PCDH9: variants seen among roughly 807,000 people sequenced by gnomAD.
PCDH9 encodes the protein protocadherin 9.
A neutral mutation model predicts 70.6 loss-of-function variants in PCDH9; 24 were observed. That is an observed-to-expected ratio of 0.34 (90% confidence interval 0.25 to 0.48). The LOEUF is 0.48. Among genes scored for constraint, PCDH9 ranks in the 20% least tolerant of loss-of-function variants. PCDH9 has a pLI of 0.99. For missense variants in PCDH9, 1,281 were observed against 1,503.6 expected (o/e 0.85, Z 2.45); for synonymous variants, 562 against 558.5 (o/e 1.01, Z -0.09).
intron 4 of PCDH9, among the ~76,000 whole-genome samples, chr13:66,627,269 G>T (rs1274578563): frequency 6.6e-6 from 1 of 152,052 alleles, no homozygotes; most frequent in Non-Finnish European, 1.5e-5. Flanking sequence ...AACTATCAAA[G>T]CCCGGTCAAC....
At chr13:67,170,803 T>C (rs975673663) in intron 2 of PCDH9, among the ~76,000 whole-genome samples, 2 of 152,088 alleles carry the variant, frequency 1.3e-5, no homozygotes, top group Non-Finnish European at 2.9e-5. Context: ...TGCACTCCTG[T>C]AATCCCATCT....
At chr13:66,371,809 C>G (rs1341970228) in intron 4 of PCDH9, among the ~76,000 whole-genome samples, 3 of 152,050 alleles carry the variant, frequency 2.0e-5, no homozygotes, top group African/African-American at 7.2e-5. Flanking sequence ...CCATTACTTA[C>G]ATTTTTTCCT....
intron 2 of PCDH9, among the ~76,000 whole-genome samples, chr13:67,122,330 A>G (rs2086892748): frequency 6.6e-6 from 1 of 152,262 alleles, no homozygotes; most frequent in East Asian, 1.9e-4. Flanking sequence ...TTAAATACCA[A>G]ATAATAAGGA....
intron 4 of PCDH9, among the ~76,000 whole-genome samples, chr13:66,585,222 T>C (rs139140436): frequency 6.6e-6 from 1 of 152,248 alleles, no homozygotes; most frequent in African/African-American, 2.4e-5. Flanking sequence ...GCATTATTTT[T>C]CTGAAGAGAA....
chr13:67,138,690 G>A (rs183338988), intron 2 of PCDH9, among the ~76,000 whole-genome samples: 92 of 152,244 alleles, frequency 6.0e-4, no homozygotes, highest in African/African-American at 2.1e-3. Flanking sequence ...GCATTGTGGA[G>A]GGTATTTTCA....
intron 3 of PCDH9, among the ~76,000 whole-genome samples, chr13:66,832,971 T>C (rs1845798466): frequency 6.6e-6 from 1 of 152,214 alleles, no homozygotes; most frequent in African/African-American, 2.4e-5. Flanking sequence ...CTCTGAATCT[T>C]AGTGTCCCAC....
intron 3 of PCDH9, among the ~76,000 whole-genome samples, chr13:66,818,348 T>A (rs1012903721): frequency 6.6e-6 from 1 of 152,214 alleles, no homozygotes; most frequent in African/African-American, 2.4e-5. Flanking sequence ...GTTTATTTTT[T>A]CAATTCAAAA....
Position 66,940,466 on chromosome 13 carries a change from TA to T in PCDH9, c.3037-36862del, listed in dbSNP as rs966317871. Among the ~76,000 whole-genome samples, 3 of 152,086 alleles carry T rather than the reference TA, an allele frequency of 2.0e-5. No homozygotes were observed. In the East Asian group the frequency reaches 5.8e-4, roughly 29 times the overall value. On this transcript the variant is annotated intron_variant, in intron 2 of 4. Coordinates refer to ENST00000377865, the MANE Select transcript of PCDH9 (RefSeq NM_203487.3). The stretch of plus-strand genomic sequence containing the variant: ...TTTGAGGTGATGATTAAACAGCATA[TA>T]AAAAAAAGTTTTCTCAAATTTCTGA...
At position 66,626,000 on chromosome 13, in the gene PCDH9, A is replaced by G. The variant is rs118084631; in HGVS notation, c.3340+5210T>C. Among the ~76,000 whole-genome samples the G allele has an allele frequency of 4.2e-3, 636 of 152,266 alleles. 19 individuals are homozygous for G. The East Asian group carries it at 0.081, about 19-fold the overall frequency. On this transcript the variant is annotated intron_variant, in intron 4 of 4. Transcript: ENST00000377865. ...TTTATAATTCATTGATTAGATGAGG[A>G]TGAGATAGGATGGAGAACAGTAGGA...
intron 2 of PCDH9, among the ~76,000 whole-genome samples, chr13:67,153,827 T>C (rs1037548206): frequency 1.3e-5 from 2 of 152,234 alleles, no homozygotes; most frequent in Admixed American, 1.3e-4. Flanking sequence ...TAGGCACTGA[T>C]GAAAAATGTA....
intron 4 of PCDH9, among the ~76,000 whole-genome samples, chr13:66,584,836 C>T (rs1004445289): frequency 6.6e-6 from 1 of 151,910 alleles, no homozygotes; most frequent in African/African-American, 2.4e-5. Flanking sequence ...CTAAGAAGCA[C>T]CTATCTTAAG....
intron 2 of PCDH9, among the ~76,000 whole-genome samples, chr13:66,943,940 C>T (rs2083046766): frequency 6.6e-6 from 1 of 151,468 alleles, no homozygotes; most frequent in Non-Finnish European, 1.5e-5. Flanking sequence ...ACTGCATGAC[C>T]CTGGCTCTAC....
intron 4 of PCDH9, among the ~76,000 whole-genome samples, chr13:66,402,529 G>T (rs990548428): frequency 6.6e-6 from 1 of 151,964 alleles, no homozygotes; most frequent in Admixed American, 6.6e-5. Context: ...AGATTTTAAA[G>T]TCATAATGAT....
Position 67,057,168 on chromosome 13 carries a change from G to T in PCDH9, c.3037-153563C>A, listed in dbSNP as rs1403460850. Among the ~76,000 whole-genome samples the T allele has an allele frequency of 2.6e-5, 4 of 152,120 alleles. No homozygotes were observed. In the East Asian group the frequency reaches 7.7e-4, roughly 29 times the overall value. On this transcript the variant is annotated intron_variant, in intron 2 of 4. Coordinates refer to ENST00000377865, the MANE Select transcript of PCDH9 (RefSeq NM_203487.3). ...AGTGTCTCCTAGGGGTTAGGAATAC[G>T]CATAGATTAACAAAGTTACCCTATG...
intron 3 of PCDH9, among the ~76,000 whole-genome samples, chr13:66,839,430 G>A (rs2081078517): frequency 6.6e-6 from 1 of 152,130 alleles, no homozygotes; most frequent in African/African-American, 2.4e-5. Context: ...CAGATACCTA[G>A]GTCATTTTCT....
intron 3 of PCDH9, among the ~76,000 whole-genome samples, chr13:66,789,505 T>C (rs529592370): frequency 6.6e-6 from 1 of 152,252 alleles, no homozygotes; most frequent in Admixed American, 6.5e-5. Flanking sequence ...TGGGTTTATT[T>C]TTTTTTATTT....
At chr13:66,961,910 G>T (rs963259367) in intron 2 of PCDH9, among the ~76,000 whole-genome samples, 3 of 152,010 alleles carry the variant, frequency 2.0e-5, no homozygotes, top group African/African-American at 7.2e-5. Flanking sequence ...AATTAGCCGG[G>T]CATGGTGGCG....
intron 2 of PCDH9, among the ~76,000 whole-genome samples, chr13:67,126,459 T>C (rs1447905178): frequency 6.6e-6 from 1 of 152,204 alleles, no homozygotes; most frequent in African/African-American, 2.4e-5. Flanking sequence ...CATTATATAT[T>C]GACTAATTAT....
At chr13:66,598,149 C>G (rs868204516) in intron 4 of PCDH9, among the ~76,000 whole-genome samples, 2 of 151,600 alleles carry the variant, frequency 1.3e-5, no homozygotes, top group African/African-American at 4.8e-5. Flanking sequence ...TGCAAAATGG[C>G]GTGACCACTA....
Sources: allele counts gnomAD v4.1 joint callset (sites outside exome capture counted in the v4.1 genomes callset), GRCh38; gene constraint gnomAD v4.1.1; transcripts MANE v1.5; gene names NCBI Gene and HGNC (gene_info 2026-07-23, HGNC 2026-07-21).